Variants in RPSA2 observed in about 807,000 individuals in gnomAD.
RPSA2 encodes the protein small ribosomal subunit protein uS2B.
the RPSA2 span, among the ~76,000 whole-genome samples, chr19:23,760,144 A>C: frequency 6.6e-6 from 1 of 152,138 alleles, no homozygotes; most frequent in Admixed American, 6.5e-5. Flanking sequence ...CAAAGTGTGG[A>C]GCTGGGGGAA....
chr19:23,816,390 C>G, the RPSA2 span, among the ~76,000 whole-genome samples: 1 of 152,124 alleles, frequency 6.6e-6, no homozygotes, highest in East Asian at 1.9e-4. Context: ...CCCGCCTTAA[C>G]CTCCCAAAGT....
the RPSA2 span, chr19:23,832,904 G>T: frequency 6.4e-7 from 1 of 1,553,860 alleles, no homozygotes; most frequent in Non-Finnish European, 8.7e-7. Context: ...GAGGAACGTG[G>T]CAAATCTTTT....
At chr19:23,784,186 C>A in the RPSA2 span, among the ~76,000 whole-genome samples, 1 of 152,218 alleles carries the variant, frequency 6.6e-6, no homozygotes, top group Non-Finnish European at 1.5e-5. Context: ...CCTGGCTCTT[C>A]TTTCTGTACA....
the RPSA2 span, among the ~76,000 whole-genome samples, chr19:23,826,039 A>AAAC: frequency 6.6e-5 from 10 of 150,448 alleles, no homozygotes; most frequent in East Asian, 1.9e-3. Flanking sequence ...GTCAAAAAAA[A>AAAC]ACAAAATTTA....
At chr19:23,848,172 T>C in the RPSA2 span, among the ~76,000 whole-genome samples, 497 of 152,304 alleles carry the variant, frequency 3.3e-3, 4 homozygotes, top group African/African-American at 0.011. Flanking sequence ...CATAAGAAAT[T>C]ATAAGAGTAT....
the RPSA2 span, among the ~76,000 whole-genome samples, chr19:23,793,443 G>C: frequency 6.7e-6 from 1 of 149,528 alleles, no homozygotes; most frequent in South Asian, 2.1e-4. Context: ...TATTTTCTTT[G>C]TATTTTATAT....
the RPSA2 span, among the ~76,000 whole-genome samples, chr19:23,804,211 T>C: frequency 6.6e-6 from 1 of 152,314 alleles, no homozygotes; most frequent in African/African-American, 2.4e-5. Context: ...AGATAAAGAA[T>C]GGTTGTCTTC....
the RPSA2 span, among the ~76,000 whole-genome samples, chr19:23,843,981 A>C: frequency 7.9e-5 from 12 of 151,874 alleles, no homozygotes; most frequent in African/African-American, 2.9e-4. Context: ...CTGGTCTCCA[A>C]CTCCTGACCT....
At chr19:23,773,157 C>G in the RPSA2 span, among the ~76,000 whole-genome samples, 1 of 151,490 alleles carries the variant, frequency 6.6e-6, no homozygotes, top group African/African-American at 2.4e-5. Context: ...AGTGCAGTGG[C>G]ACGATCTCAG....
At chr19:23,778,761 A>T in the RPSA2 span, among the ~76,000 whole-genome samples, 18 of 152,146 alleles carry the variant, frequency 1.2e-4, no homozygotes, top group African/African-American at 4.3e-4. Flanking sequence ...ACTGTCCATA[A>T]TGAGGATTGT....
chr19:23,857,792 G>A, the RPSA2 span, among the ~76,000 whole-genome samples: 1 of 151,878 alleles, frequency 6.6e-6, no homozygotes, highest in Non-Finnish European at 1.5e-5. Flanking sequence ...ACTGCACCTG[G>A]CCCTTTTTTA....
chr19:23,822,566 C>T, the RPSA2 span, among the ~76,000 whole-genome samples: 5 of 152,160 alleles, frequency 3.3e-5, no homozygotes, highest in Admixed American at 3.3e-4. Context: ...TCTGTTGCCC[C>T]CCTTGGACCT....
the RPSA2 span, among the ~76,000 whole-genome samples, chr19:23,826,050 C>T: frequency 7.0e-6 from 1 of 143,040 alleles, no homozygotes; most frequent in South Asian, 2.2e-4. Flanking sequence ...ACAAAATTTA[C>T]CACAAAATAT....
the RPSA2 span, among the ~76,000 whole-genome samples, chr19:23,821,899 T>C: frequency 6.6e-6 from 1 of 152,204 alleles, no homozygotes; most frequent in African/African-American, 2.4e-5. Flanking sequence ...CTCTGCTCTG[T>C]TTCCTTTTTT....
At chr19:23,842,087 AGTTT>A in the RPSA2 span, among the ~76,000 whole-genome samples, 1 of 152,156 alleles carries the variant, frequency 6.6e-6, no homozygotes, top group Non-Finnish European at 1.5e-5. Flanking sequence ...ATCACTGGTG[AGTTT>A]GTTTGCAATA....
At chr19:23,839,976 G>T in the RPSA2 span, among the ~76,000 whole-genome samples, 1 of 152,194 alleles carries the variant, frequency 6.6e-6, no homozygotes, top group Non-Finnish European at 1.5e-5. Flanking sequence ...TGTCTGTCAG[G>T]TCCTGCAGGA....
At chr19:23,765,218 GGA>G in the RPSA2 span, among the ~76,000 whole-genome samples, 1 of 152,186 alleles carries the variant, frequency 6.6e-6, no homozygotes, top group African/African-American at 2.4e-5. Context: ...CAACCATTAT[GGA>G]AGACATGGTG....
the RPSA2 span, among the ~76,000 whole-genome samples, chr19:23,869,768 C>T: frequency 3.3e-5 from 5 of 152,204 alleles, no homozygotes; most frequent in Non-Finnish European, 7.3e-5. Flanking sequence ...TGGAAAGCAG[C>T]ACTGCTGTTC....
chr19:23,845,057 G>A, the RPSA2 span, among the ~76,000 whole-genome samples: 1,624 of 68,252 alleles, frequency 0.024, 31 homozygotes, highest in African/African-American at 0.077. Flanking sequence ...GTGTCTAGTT[G>A]TTTATAATCA....
Sources: gnomAD v4.1 joint callset for allele counts (sites outside exome capture counted in the v4.1 genomes callset) on GRCh38, gnomAD v4.1.1 for gene constraint, MANE v1.5 for transcripts, NCBI Gene and HGNC (gene_info 2026-07-23, HGNC 2026-07-21) for gene names.